The following RBBP8 variants were observed in gnomAD, a reference collection of about 807,000 sequenced individuals.
RBBP8 encodes RB binding protein 8, endonuclease, also known as DNA endonuclease RBBP8.
A neutral mutation model predicts 108.3 loss-of-function variants in RBBP8; 88 were observed. The ratio of observed to expected loss-of-function variants is 0.81; its 90% CI spans 0.68 to 0.97. RBBP8 has a LOEUF of 0.97. Ranked by LOEUF, RBBP8 falls within the 50% of genes least tolerant of loss-of-function variation. The pLI is 0.00. For synonymous variants in RBBP8, 332 were observed against 348.2 expected (o/e 0.95, Z 0.52); for missense variants, 1,023 against 1,049.0 (o/e 0.98, Z 0.34).
chr18:23,022,623 A>AAAT (rs1491397378), intron 18 of RBBP8, among the ~76,000 whole-genome samples: 1 of 50,426 alleles, frequency 2.0e-5, no homozygotes, highest in Non-Finnish European at 8.1e-5. Context: ...AAAATAAAAT[A>AAAT]AAATAAAATA....
At chr18:22,986,818 T>C (rs189018600) in intron 8 of RBBP8, among the ~76,000 whole-genome samples, 82 of 152,276 alleles carry the variant, frequency 5.4e-4, no homozygotes, top group Non-Finnish European at 2.9e-5. Flanking sequence ...TGTTTGTCTG[T>C]CCATGAGTAT....
intron 3 of RBBP8, among the ~76,000 whole-genome samples, chr18:22,920,112 C>G (rs1159273190): frequency 6.6e-6 from 1 of 151,878 alleles, no homozygotes; most frequent in Non-Finnish European, 1.5e-5. Context: ...TGCTTGAGCC[C>G]AGGAGTTCAA....
rs138914604 is a variant in RBBP8, at chr18:23,000,327, A to G, written c.2144-1259A>G. Among the ~76,000 whole-genome samples, 543 of 152,320 alleles carry G rather than the reference A, an allele frequency of 3.6e-3. 2 individuals carry two copies. The highest frequency in any genetic ancestry group is 0.012 in the African/African-American group (500 of 41,570). ...ATGGGAAATGTGGTTAGATCTGTGA[A>G]GATGAATTTTTCATTTTCCGTGTCA... On this transcript the variant is annotated intron_variant, in intron 14 of 18. Transcript: ENST00000327155.
At chr18:22,932,189 C>T (rs1240912363), upstream of RBBP8, among the ~76,000 whole-genome samples, 1 of 152,192 alleles carries the variant, frequency 6.6e-6, no homozygotes, top group Non-Finnish European at 1.5e-5. Flanking sequence ...GGTCATTCTG[C>T]TCAGTTTTTC....
intron 14 of RBBP8, among the ~76,000 whole-genome samples, chr18:22,999,205 G>C (rs1371769541): frequency 6.6e-6 from 1 of 152,194 alleles, no homozygotes; most frequent in Non-Finnish European, 1.5e-5. Flanking sequence ...TGAATCACTT[G>C]AATAACTCAG....
In RBBP8 at chr18:22,964,520, A is replaced by G. The variant is rs1021562087; in HGVS notation, c.249-4286A>G. Among the ~76,000 whole-genome samples the G allele has an allele frequency of 3.3e-5, 5 of 151,530 alleles. No individual in the cohort carries two copies. The South Asian group carries it at 1.0e-3, about 31-fold the overall frequency. ...TTCTTTATATGATAGACCTTCTAGA[A>G]TAATTGCCCAGTTTTATCTAAATTT... is the stretch of plus-strand genomic sequence containing the variant. On this transcript the variant is annotated intron_variant, in intron 4 of 18. Coordinates refer to ENST00000327155, the MANE Select transcript of RBBP8 (RefSeq NM_002894.3).
chr18:23,001,777 GTAAGT>G lies in RBBP8; in HGVS notation c.2287+56_2287+60del, dbSNP rs758195724. 724 of 1,599,458 alleles carry G rather than the reference GTAAGT, an allele frequency of 4.5e-4. No homozygotes were observed. Among genetic ancestry groups the G allele is most frequent in the Non-Finnish European group, 5.8e-4 (675 of 1,167,086 alleles). ...TATGGCTTCTCAGTTGCAGAATTCA[GTAAGT>G]TAAGTTATCAAGCTAATTAACAAAG... On this transcript the variant is annotated intron_variant, in intron 15 of 18. Coordinates refer to ENST00000327155, the MANE Select transcript of RBBP8 (RefSeq NM_002894.3).
chr18:23,001,521 T>A, intron 14 of RBBP8, 65 bp from the exon 15 acceptor site: 1 of 1,578,040 alleles, frequency 6.3e-7, no homozygotes, highest in South Asian at 1.1e-5. Context: ...TACTACAGTT[T>A]CATGATGGTC....
intron 14 of RBBP8, among the ~76,000 whole-genome samples, chr18:22,999,593 A>C (rs2045913387): frequency 6.6e-6 from 1 of 152,118 alleles, no homozygotes; most frequent in Non-Finnish European, 1.5e-5. Context: ...AGGAGTGTTG[A>C]CATCATGTTG....
chr18:22,920,261 T>G (rs1400201281), intron 3 of RBBP8, among the ~76,000 whole-genome samples: 1 of 152,166 alleles, frequency 6.6e-6, no homozygotes, highest in African/African-American at 2.4e-5. Flanking sequence ...ACTACTATAC[T>G]CCAGCCTGGG....
upstream of RBBP8, among the ~76,000 whole-genome samples, chr18:22,930,746 A>C (rs906872419): frequency 6.6e-6 from 1 of 152,144 alleles, no homozygotes; most frequent in African/African-American, 2.4e-5. Context: ...CTGGAGATAA[A>C]AGGGTGAACA....
chr18:22,927,016 C>A (rs1433776903), intron 3 of RBBP8, among the ~76,000 whole-genome samples: 1 of 152,236 alleles, frequency 6.6e-6, no homozygotes, highest in African/African-American at 2.4e-5. Context: ...CTCCCACTCA[C>A]AAACAACACT....
intron 10 of RBBP8, 58 bp downstream of exon 10, chr18:22,991,107 G>GT (rs1915668990): frequency 8.4e-7 from 1 of 1,188,594 alleles, no homozygotes; most frequent in Admixed American, 1.7e-5. Flanking sequence ...CCATTACAAT[G>GT]AATTTCATAT....
intron 4 of RBBP8, among the ~76,000 whole-genome samples, chr18:22,955,220 T>C (rs1306887588): frequency 6.6e-6 from 1 of 152,082 alleles, no homozygotes; most frequent in East Asian, 1.9e-4. Flanking sequence ...ATTCATTAGG[T>C]GGTATTAATT....
chr18:22,951,846 A>C (rs749354118), intron 4 of RBBP8, among the ~76,000 whole-genome samples: 1 of 152,234 alleles, frequency 6.6e-6, no homozygotes, highest in East Asian at 1.9e-4. Flanking sequence ...AAAGGTTACA[A>C]GTCAACAGCC....
chr18:22,989,160 T>G, intron 8 of RBBP8, 61 bp from the exon 9 acceptor site: 3 of 1,189,738 alleles, frequency 2.5e-6, no homozygotes, highest in Non-Finnish European at 3.7e-6. Context: ...TGTGTCTAGC[T>G]TCTACAGTTT....
chr18:22,972,710 T>G (rs1490027173), intron 5 of RBBP8, among the ~76,000 whole-genome samples: 1 of 152,260 alleles, frequency 6.6e-6, no homozygotes, highest in Non-Finnish European at 1.5e-5. Flanking sequence ...ATATAAGAAT[T>G]TTAAAGCACT....
intron 6 of RBBP8, among the ~76,000 whole-genome samples, chr18:22,976,184 A>G (rs563933374): frequency 5.9e-5 from 9 of 152,270 alleles, no homozygotes; most frequent in African/African-American, 1.7e-4. Flanking sequence ...TACTTTTAGG[A>G]TAATGGATAT....
At chr18:22,937,076 G>T (rs1598634204) in intron 2 of RBBP8, 116 bp downstream of exon 2, 4 of 1,521,102 alleles carry the variant, frequency 2.6e-6, no homozygotes, top group Non-Finnish European at 3.5e-6. Flanking sequence ...GGTTCCGGGG[G>T]TACATGTGCA....
Sources: allele counts gnomAD v4.1 joint callset (sites outside exome capture counted in the v4.1 genomes callset), GRCh38; gene constraint gnomAD v4.1.1; transcripts MANE v1.5; gene names NCBI Gene and HGNC (gene_info 2026-07-23, HGNC 2026-07-21).